Variants in PHTF1 observed in about 807,000 individuals in gnomAD.
PHTF1 encodes protein PHTF1.
Under a neutral mutation model 102.4 loss-of-function variants are expected in PHTF1, and 88 were observed. The ratio of observed to expected loss-of-function variants is 0.86; its 90% confidence interval spans 0.72 to 1.03. The LOEUF (loss-of-function observed/expected upper bound fraction) is 1.03. PHTF1 is among the 50% of genes least tolerant of loss of function. The pLI is 0.00. For synonymous variants in PHTF1, 289 were observed against 305.2 expected (o/e 0.95, Z 0.55); for missense variants, 814 against 909.5 (o/e 0.89, Z 1.35).
At chr1:113,709,661 T>C (rs1348431588) in intron 11 of PHTF1, among the ~76,000 whole-genome samples, 4 of 152,346 alleles carry the variant, frequency 2.6e-5, no homozygotes, top group Middle Eastern at 3.4e-3. Flanking sequence ...CCAGGTATTA[T>C]GCTATGTACT....
intron 15 of PHTF1, among the ~76,000 whole-genome samples, chr1:113,701,826 T>TA (rs34844793): frequency 0.026 from 720 of 27,906 alleles, 68 homozygotes; most frequent in African/African-American, 0.04. Context: ...CAATTCCTGG[T>TA]AAAAAAAAAA....
At chr1:113,704,551 T>TGCTGCTATAATCTGCCTGACACCC in intron 14 of PHTF1, 115 bp downstream of exon 14, 1 of 700,170 alleles carries the variant, frequency 1.4e-6, no homozygotes, top group Non-Finnish European at 2.3e-6. Flanking sequence ...GTCTGTCAGC[T>TGCTGCTATAATCTGCCTGACACCC]GCTGCTATAA....
intron 3 of PHTF1, among the ~76,000 whole-genome samples, chr1:113,739,665 C>A (rs11102678): frequency 0.38 from 57,608 of 152,050 alleles, 12,534 homozygotes; most frequent in African/African-American, 0.59. Context: ...CTACAGAACA[C>A]TAAACCTTAT....
At chr1:113,713,200 T>G (rs766180096) in intron 8 of PHTF1, 79 bp downstream of exon 8, 176 of 1,312,274 alleles carry the variant, frequency 1.3e-4, no homozygotes, top group Non-Finnish European at 1.7e-4. Flanking sequence ...TAGTACCTAT[T>G]TTATATCTCT....
rs887792343 is a variant in PHTF1 at position 113,700,250 on chromosome 1, CA to C, written c.2047-452del. The C allele has an allele frequency of 1.5e-3, 937 of 610,174 alleles. 1 individual carries two copies. The highest frequency in any genetic ancestry group is 2.1e-3 in the South Asian group (28 of 13,522). The allele number at this position is 610,174 out of a possible 1,614,324, so 37.8% of individuals were successfully genotyped here. On this transcript the variant is annotated intron_variant, in intron 16 of 18. Coordinates refer to ENST00000369604, the MANE Select transcript of PHTF1 (RefSeq NM_001323043.2). ...AGAATTCTCCATTACGATTCTAAGA[CA>C]AAAAAAAAACAGAAACGAATGATAA...
intron 10 of PHTF1, among the ~76,000 whole-genome samples, chr1:113,710,810 A>ATATATT (rs1170593121): frequency 8.1e-6 from 1 of 122,712 alleles, no homozygotes. Context: ...ATATATATAT[A>ATATATT]TTTTTTTTTT....
intron 5 of PHTF1, among the ~76,000 whole-genome samples, chr1:113,728,045 C>G (rs1654108428): frequency 6.6e-6 from 1 of 152,116 alleles, no homozygotes; most frequent in African/African-American, 2.4e-5. Context: ...ACCAAGATCA[C>G]AACACTGCAC....
chr1:113,698,470 G>A, intron 17 of PHTF1, 83 bp from the exon 18 acceptor site: 1 of 1,241,930 alleles, frequency 8.1e-7, no homozygotes, highest in Non-Finnish European at 1.2e-6. Flanking sequence ...TTTGTCTTGG[G>A]TATAGATGAA....
At position 113,722,758 on chromosome 1, in the gene PHTF1, C is replaced by CA. The variant is rs759616769; in HGVS notation, c.623+2000dup. On this transcript the variant is annotated intron_variant, in intron 7 of 18. Transcript: ENST00000369604. ...TGAAACCCCATCTCTACTAAAAATA[C>CA]AAAAAAAAAAAAAAATTAGCCAGGC... 9.0e-4 allele frequency among the ~76,000 whole-genome samples: 111 copies of CA among 123,102 alleles called. 1 individual carries two copies. The highest frequency in any genetic ancestry group is 1.9e-3 in the East Asian group (8 of 4,296). The allele number at this position is 123,102 out of a possible 152,430, so 80.8% of individuals were successfully genotyped here. A position where few individuals can be genotyped will look rare whatever the true frequency, so the allele number is the denominator to read the frequency against.
In PHTF1 at chr1:113,698,536, C is replaced by A. The variant is rs898996322; in HGVS notation, c.2143-149G>T. 25 of 593,128 alleles carry A rather than the reference C, an allele frequency of 4.2e-5. No homozygotes were observed. The African/African-American group carries it at 4.6e-4, about 11-fold the overall frequency. The allele number at this position is 593,128 out of a possible 1,614,324, so 36.7% of individuals were successfully genotyped here. A position where few individuals can be genotyped will look rare whatever the true frequency, so the allele number is the denominator to read the frequency against. On this transcript the variant is annotated intron_variant, in intron 17 of 18. Coordinates refer to ENST00000369604, the MANE Select transcript of PHTF1 (RefSeq NM_001323043.2). ...AGAGCTACCTTCAAAAAATCCATAA[C>A]GTGTTCTCACCTACTTTTCTACTAA...
intron 7 of PHTF1, among the ~76,000 whole-genome samples, chr1:113,715,678 A>AAAAAAAAAAG: frequency 7.4e-6 from 1 of 135,266 alleles, no homozygotes; most frequent in Non-Finnish European, 1.6e-5. Flanking sequence ...AAAAAAAAAA[A>AAAAAAAAAAG]AAGCTATTTT....
At chr1:113,758,231 CAAAAAAAAA>C (rs1162537319) in intron 2 of PHTF1, among the ~76,000 whole-genome samples, 27 of 58,212 alleles carry the variant, frequency 4.6e-4, no homozygotes, top group Non-Finnish European at 7.6e-4. Flanking sequence ...AACTCCGTCT[CAAAAAAAAA>C]AAAAAAAAAA....
intron 6 of PHTF1, chr1:113,725,977 A>C (rs1477760899): frequency 6.3e-6 from 1 of 157,792 alleles, no homozygotes; most frequent in Non-Finnish European, 1.4e-5. Flanking sequence ...TCAAAAAGAA[A>C]AAAAAAAAGT....
At chr1:113,722,721 T>G (rs1239404556) in intron 7 of PHTF1, among the ~76,000 whole-genome samples, 9 of 149,084 alleles carry the variant, frequency 6.0e-5, no homozygotes, top group Non-Finnish European at 1.3e-4. Context: ...GAGACCAGCC[T>G]GGCCAACATG....
intron 5 of PHTF1, among the ~76,000 whole-genome samples, chr1:113,731,319 G>T (rs189591559): frequency 6.6e-6 from 1 of 151,996 alleles, no homozygotes; most frequent in East Asian, 1.9e-4. Flanking sequence ...ATCACTTGAC[G>T]CCAGGAGTTC....
chr1:113,719,283 G>A (rs545269548), intron 7 of PHTF1, among the ~76,000 whole-genome samples: 8 of 152,204 alleles, frequency 5.3e-5, no homozygotes, highest in East Asian at 3.9e-4. Context: ...GATTACAGGC[G>A]TGAGCCACCA....
chr1:113,740,739 A>C (rs1434414979), intron 3 of PHTF1, among the ~76,000 whole-genome samples: 1 of 152,100 alleles, frequency 6.6e-6, no homozygotes, highest in Non-Finnish European at 1.5e-5. Context: ...GTATATGGTG[A>C]GAAATAGTGG....
chr1:113,714,901 C>T (rs374110695), intron 7 of PHTF1: 19 of 152,494 alleles, frequency 1.2e-4, no homozygotes, highest in African/African-American at 4.3e-4. Context: ...TGTCACTCCT[C>T]CTGGCTCCAA....
At chr1:113,737,755 T>C (rs1271501239) in intron 5 of PHTF1, among the ~76,000 whole-genome samples, 1 of 152,022 alleles carries the variant, frequency 6.6e-6, no homozygotes, top group Non-Finnish European at 1.5e-5. Flanking sequence ...GCTGTGATCA[T>C]GCCACTGCAC....
Sources: gnomAD v4.1 joint callset for allele counts (sites outside exome capture counted in the v4.1 genomes callset) on GRCh38, gnomAD v4.1.1 for gene constraint, MANE v1.5 for transcripts, NCBI Gene and HGNC (gene_info 2026-07-23, HGNC 2026-07-21) for gene names.